ABCG8: variants seen among roughly 807,000 people sequenced by gnomAD.
The protein encoded by ABCG8 is ATP binding cassette subfamily G member 8, also known as ATP-binding cassette sub-family G member 8.
A neutral mutation model predicts 71.3 loss-of-function variants in ABCG8; 81 were observed. The ratio of observed to expected loss-of-function variants is 1.14; its 90% CI spans 0.95 to 1.37. ABCG8 has a LOEUF of 1.37. Ranked by LOEUF, ABCG8 falls within the 40% of genes most tolerant of loss-of-function variation. The pLI, the probability that ABCG8 is intolerant of heterozygous loss-of-function variation, is 0.00. For synonymous variants in ABCG8, 451 were observed against 354.7 expected (o/e 1.27, Z -3.05); for missense variants, 1,119 against 866.2 (o/e 1.29, Z -3.66).
rs762565039 is a variant in ABCG8 at position 43,877,910 on chromosome 2, G to A, written c.2019G>A (p.Trp673Ter). 6.2e-7 allele frequency: 1 copy of A among 1,614,020 alleles called. No homozygotes were observed. The highest frequency in any genetic ancestry group is 8.5e-7 in the Non-Finnish European group (1 of 1,180,028). The part of the protein sequence containing the change: ...RFIKQKPSQD[W>*] ...TCAAACAGAAACCAAGTCAAGACTG[G>A]TGATTCACGCCAGACGTCTGCCCGC... The change falls in exon 13 of 13, where the codon TGG (tryptophan) becomes TGA (stop). Residue 673 changes from tryptophan to a stop codon, truncating the protein, a stop_gained. Coordinates refer to ENST00000272286, the MANE Select transcript of ABCG8 (RefSeq NM_022437.3). LOFTEE classifies it high-confidence loss of function.
At chr2:43,870,768 G>T (rs1388741031) in intron 6 of ABCG8, among the ~76,000 whole-genome samples, 1 of 149,462 alleles carries the variant, frequency 6.7e-6, no homozygotes, top group Non-Finnish European at 1.5e-5. Context: ...TTTCTGTCTG[G>T]ATAGAATTTT....
intron 11 of ABCG8, among the ~76,000 whole-genome samples, chr2:43,876,887 CATGGGAATATGGGGAGACT>C (rs1669976312): frequency 6.8e-6 from 1 of 146,412 alleles, no homozygotes; most frequent in Non-Finnish European, 1.5e-5. Flanking sequence ...ATGGGGAGAC[CATGGGAATATGGGGAGACT>C]GTGGGAATAT....
chr2:43,877,698 G>C lies in ABCG8; in HGVS notation c.1884+10G>C. 1.2e-6 allele frequency: 2 copies of C among 1,614,100 alleles called. No homozygotes were observed. The highest frequency in any genetic ancestry group is 1.7e-6 in the Non-Finnish European group (2 of 1,180,002). On this transcript the variant is annotated intron_variant, in intron 12 of 12. Transcript: ENST00000272286. ...GGTCTCAGGAGATAAAGTAAGCGGG[G>C]AAGGCCTCGGGTTCTAAATTATTGG...
intron 8 of ABCG8, 138 bp from the exon 9 acceptor site, chr2:43,873,649 G>C (rs1669855356): frequency 4.9e-6 from 4 of 813,670 alleles, no homozygotes; most frequent in Non-Finnish European, 6.3e-6. Flanking sequence ...TTAATCCTCA[G>C]AGCCACTCTA....
intron 1 of ABCG8, among the ~76,000 whole-genome samples, chr2:43,843,275 T>C (rs1332247823): frequency 1.3e-5 from 2 of 152,136 alleles, no homozygotes; most frequent in Non-Finnish European, 2.9e-5. Flanking sequence ...GTTGGGTGCA[T>C]GGTTGATTGA....
intron 6 of ABCG8, among the ~76,000 whole-genome samples, chr2:43,868,921 G>C (rs1282736944): frequency 6.6e-6 from 1 of 150,788 alleles, no homozygotes; most frequent in Non-Finnish European, 1.5e-5. Context: ...TTCTCACTCT[G>C]TGGATAGAAC....
intron 3 of ABCG8, among the ~76,000 whole-genome samples, chr2:43,849,591 G>C (rs1288746325): frequency 1.3e-5 from 2 of 152,076 alleles, no homozygotes; most frequent in Non-Finnish European, 2.9e-5. Flanking sequence ...AGTCTCCCCA[G>C]ATGCCACAGG....
intron 6 of ABCG8, among the ~76,000 whole-genome samples, chr2:43,870,535 A>G (rs1669727394): frequency 6.6e-6 from 1 of 151,856 alleles, no homozygotes; most frequent in Admixed American, 6.6e-5. Flanking sequence ...CCCTTTGGAT[A>G]GAACTCTCAC....
chr2:43,863,183 C>T (rs1376105558), intron 6 of ABCG8, among the ~76,000 whole-genome samples: 1 of 151,168 alleles, frequency 6.6e-6, no homozygotes. Flanking sequence ...GGATATAACT[C>T]TCACTACCTA....
intron 6 of ABCG8, among the ~76,000 whole-genome samples, chr2:43,870,503 C>A (rs76464523): frequency 0.054 from 8,108 of 151,322 alleles, 248 homozygotes; most frequent in Middle Eastern, 0.11. Flanking sequence ...AACTCTCACT[C>A]TCTATCTGGA....
chr2:43,882,397 T>C lies in ABCG8; in HGVS notation c.*4484T>C, dbSNP rs1670156692. 6.6e-6 allele frequency: 1 copy of C among 152,222 alleles called. No homozygotes were observed. Among genetic ancestry groups the C allele is most frequent in the African/African-American group, 2.4e-5 (1 of 41,458 alleles). The allele number at this position is 152,222 out of a possible 1,614,324, so 9.4% of individuals were successfully genotyped here. A position where few individuals can be genotyped will look rare whatever the true frequency, so the allele number is the denominator to read the frequency against. ...GCACAGCATACAGACCACTTTCCTT[T>C]GGCCCAACCGGCCTTGGGGTCTGGA... On this transcript the variant is annotated 3_prime_UTR_variant, in exon 13 of 13. Coordinates refer to ENST00000272286, the MANE Select transcript of ABCG8 (RefSeq NM_022437.3).
At chr2:43,855,316 C>G (rs952790561) in intron 6 of ABCG8, among the ~76,000 whole-genome samples, 3 of 152,118 alleles carry the variant, frequency 2.0e-5, no homozygotes, top group Non-Finnish European at 4.4e-5. Context: ...AATACTCACT[C>G]TCTGGATAGA....
chr2:43,875,214 C>G lies in ABCG8; in HGVS notation c.1557C>G (p.Ala519=). The change falls in exon 11 of 13, where the codon GCC becomes GCG. Residue 519 remains alanine, a synonymous_variant. Coordinates refer to ENST00000272286, the MANE Select transcript of ABCG8 (RefSeq NM_022437.3). ...ACGGGATGCCCACCTACTGGCTGGC[C>G]AACCTGAGGCCAGGCCTCCAGCCCT... ...IIYGMPTYWL[A]NLRPGLQPFL... The G allele has an allele frequency of 6.2e-7, 1 of 1,614,238 alleles. No individual in the cohort carries two copies. The highest frequency in any genetic ancestry group is 8.5e-7 in the Non-Finnish European group (1 of 1,180,044).
intron 6 of ABCG8, among the ~76,000 whole-genome samples, chr2:43,857,643 A>T (rs867111094): frequency 2.0e-5 from 3 of 150,862 alleles, no homozygotes; most frequent in African/African-American, 7.3e-5. Context: ...AGAACTCTCA[A>T]TAAATGGTAG....
At chr2:43,841,852 G>A (rs998790540) in intron 1 of ABCG8, among the ~76,000 whole-genome samples, 8 of 152,122 alleles carry the variant, frequency 5.3e-5, no homozygotes, top group South Asian at 2.1e-4. Flanking sequence ...CTTCCTCAGC[G>A]CCTCCTCCAT....
intron 6 of ABCG8, among the ~76,000 whole-genome samples, chr2:43,857,563 C>A (rs1163690548): frequency 1.3e-5 from 2 of 151,722 alleles, no homozygotes; most frequent in African/African-American, 2.4e-5. Context: ...TCCTCACTAT[C>A]TGGATAGAAT....
intron 10 of ABCG8, among the ~76,000 whole-genome samples, chr2:43,874,703 T>C (rs1174060469): frequency 6.6e-6 from 1 of 152,096 alleles, no homozygotes. Flanking sequence ...CCAGGAATGA[T>C]AGTTTTCTGG....
intron 6 of ABCG8, among the ~76,000 whole-genome samples, chr2:43,868,213 C>A (rs1669603584): frequency 6.6e-6 from 1 of 152,076 alleles, no homozygotes; most frequent in Non-Finnish European, 1.5e-5. Flanking sequence ...ATAGAATTCT[C>A]ACCCTCTGGA....
At chr2:43,839,159 T>G in intron 1 of ABCG8, 43 bp downstream of exon 1, 1 of 1,545,486 alleles carries the variant, frequency 6.5e-7, no homozygotes, top group Non-Finnish European at 8.8e-7. Flanking sequence ...GGTGGGCGGG[T>G]AGGAGAAATC....
Sources: gnomAD v4.1 joint callset for allele counts (sites outside exome capture counted in the v4.1 genomes callset) on GRCh38, gnomAD v4.1.1 for gene constraint, MANE v1.5 for transcripts, NCBI Gene and HGNC (gene_info 2026-07-23, HGNC 2026-07-21) for gene names.